USP6: variants seen among roughly 807,000 people sequenced by gnomAD.
USP6 encodes the protein ubiquitin carboxyl-terminal hydrolase 6.
In USP6, 128 loss-of-function variants were observed where a neutral mutation model predicts 175.7. The ratio of observed to expected loss-of-function variants is 0.73; its 90% confidence interval spans 0.63 to 0.84. The LOEUF is 0.84. Ranked by LOEUF, USP6 falls within the 40% of genes least tolerant of loss-of-function variation. The pLI, the probability that USP6 is intolerant of heterozygous loss-of-function variation, is 0.00. For synonymous variants in USP6, 562 were observed against 630.6 expected, an observed-to-expected ratio of 0.89 and a Z score of 1.63; for missense variants, 1,498 against 1,760.3, an observed-to-expected ratio of 0.85 and a Z score of 2.67.
intron 7 of USP6, among the ~76,000 whole-genome samples, chr17:5,127,903 A>G (rs1324352594): frequency 3.3e-5 from 5 of 152,240 alleles, no homozygotes; most frequent in African/African-American, 1.2e-4. Context: ...AGTAGAGACA[A>G]CCATCCGATT....
chr17:5,147,331 T>A, intron 29 of USP6, 137 bp downstream of exon 29: 1 of 1,052,994 alleles, frequency 9.5e-7, no homozygotes, highest in Non-Finnish European at 1.3e-6. Context: ...CCTTACTGAT[T>A]ATTCCATATT....
intron 31 of USP6, among the ~76,000 whole-genome samples, chr17:5,157,224 T>C (rs1037308925): frequency 6.6e-6 from 1 of 151,964 alleles, no homozygotes; most frequent in African/African-American, 2.4e-5. Flanking sequence ...TCGCTGGGAT[T>C]ACAGGTGCCT....
chr17:5,123,313 A>G (rs1328766413), intron 4 of USP6, among the ~76,000 whole-genome samples: 6 of 151,822 alleles, frequency 4.0e-5, no homozygotes, highest in Admixed American at 2.0e-4. Context: ...GGGGGGTGGT[A>G]GAGGCAGCGC....
intron 30 of USP6, among the ~76,000 whole-genome samples, chr17:5,152,627 G>A (rs2073798507): frequency 6.6e-6 from 1 of 152,170 alleles, no homozygotes; most frequent in African/African-American, 2.4e-5. Flanking sequence ...ATACAGGAAT[G>A]AAAATGAATG....
At chr17:5,126,339 G>A (rs1420909235) in intron 6 of USP6, among the ~76,000 whole-genome samples, 1 of 152,150 alleles carries the variant, frequency 6.6e-6, no homozygotes, top group Non-Finnish European at 1.5e-5. Flanking sequence ...CTTGAGCCCA[G>A]GAAGGCAATA....
Position 5,141,470 on chromosome 17 carries a change from C to T in USP6, c.1544C>T (p.Ala515Val), listed in dbSNP as rs760602163. 1.9e-6 allele frequency: 3 copies of T among 1,608,078 alleles called. No individual in the cohort carries two copies. The Admixed American group carries it at 5.1e-5, about 27-fold the overall frequency. ...MSWPEEMSFT[A>V]NSSKIDRQKV... ...TGGCCTGAGGAGATGTCTTTTACAGCAAATAGTAGTAAAATAGATAGACAA... is the reference window on the plus strand; with the variant it reads ...TGGCCTGAGGAGATGTCTTTTACAGTAAATAGTAGTAAAATAGATAGACAA... Residue 515 changes from alanine to valine, a missense_variant, in exon 23 of 38, where the codon GCA becomes GTA. Ala to Val is a moderately conservative substitution (Grantham distance 64). Coordinates refer to ENST00000574788, the MANE Select transcript of USP6 (RefSeq NM_001304284.2).
intron 37 of USP6, among the ~76,000 whole-genome samples, chr17:5,172,348 G>A (rs1207994481): frequency 6.6e-6 from 1 of 151,534 alleles, no homozygotes; most frequent in Non-Finnish European, 1.5e-5. Flanking sequence ...TGGCTAATAT[G>A]GTGAAACCCC....
Position 5,162,927 on chromosome 17 carries a change from T to G in USP6, c.2959T>G (p.Phe987Val). 1 of 1,608,494 alleles carries G rather than the reference T, an allele frequency of 6.2e-7. No homozygotes were observed. Among genetic ancestry groups the G allele is most frequent in the South Asian group, 1.1e-5 (1 of 89,184 alleles). ...AATTGATTGTGGGGAAGACAGAGCT[T>G]TCATTGGAAATGCCTATATTGCTGT... is the stretch of plus-strand genomic sequence containing the variant. Reference protein sequence around the residue: ...CKIDCGEDRAFIGNAYIAVDW... With the variant: ...CKIDCGEDRAVIGNAYIAVDW... The change falls in exon 33 of 38, where the codon TTC becomes GTC. Residue 987 changes from phenylalanine to valine, a missense_variant. Phe to Val is a conservative substitution (Grantham distance 50). Transcript: ENST00000574788.
chr17:5,148,905 A>C, intron 30 of USP6, 138 bp downstream of exon 30: 1 of 1,410,956 alleles, frequency 7.1e-7, no homozygotes, highest in South Asian at 1.7e-5. Context: ...TACTTTTACA[A>C]ATTTTATTTT....
chr17:5,119,957 C>T (rs2072615339), intron 2 of USP6, among the ~76,000 whole-genome samples: 1 of 152,166 alleles, frequency 6.6e-6, no homozygotes. Context: ...TCTCCTGCCT[C>T]TCCTTTCCAG....
At chr17:5,145,683 T>C in intron 27 of USP6, 104 bp downstream of exon 27, 1 of 1,398,862 alleles carries the variant, frequency 7.1e-7, no homozygotes, top group Non-Finnish European at 9.4e-7. Flanking sequence ...TAAAGACTGG[T>C]AGTCAGCATA....
chr17:5,168,676 A>G (rs2074147465), intron 34 of USP6, 91 bp from the exon 35 acceptor site: 3 of 1,445,884 alleles, frequency 2.1e-6, no homozygotes, highest in Non-Finnish European at 2.8e-6. Flanking sequence ...TATATTTCCA[A>G]ACATTCACAT....
Position 5,137,660 on chromosome 17 carries a change from G to A in USP6, c.835G>A (p.Gly279Arg), listed in dbSNP as rs779962766. 2.5e-6 allele frequency: 4 copies of A among 1,605,192 alleles called. No individual in the cohort carries two copies. In the South Asian group the frequency reaches 3.3e-5, roughly 13 times the overall value. ...CCTGCTGTCCCCACAGATCTCTCTC[G>A]GGCTCACCCTGCGCCTGTGGGACGT... ...LRNLIDGISL[G>R]LTLRLWDVYL... is the part of the protein sequence containing the mutation. Residue 279 changes from glycine (G) to arginine (R), a missense_variant, in exon 20 of 38, where the codon GGG becomes AGG. Around this residue, in one of 2 missense-constraint regions of USP6, gnomAD observed 1,217 missense variants for 1,500.8 expected, o/e 0.81. Coordinates refer to ENST00000574788, the MANE Select transcript of USP6 (RefSeq NM_001304284.2).
chr17:5,128,454 C>T (rs2072959051), intron 7 of USP6: 1 of 152,218 alleles, frequency 6.6e-6, no homozygotes. Context: ...GCAGCAGTCA[C>T]TTCCCTCCAC....
intron 1 of USP6, 48 bp from the exon 2 acceptor site, chr17:5,118,150 GCT>G (rs1467317723): frequency 1.3e-5 from 2 of 151,990 alleles, no homozygotes; most frequent in African/African-American, 4.8e-5. Context: ...ATAGTCATGT[GCT>G]CTCTCCCTCA....
intron 4 of USP6, among the ~76,000 whole-genome samples, chr17:5,123,877 G>A (rs974864793): frequency 4.0e-5 from 6 of 151,444 alleles, no homozygotes; most frequent in Non-Finnish European, 8.8e-5. Context: ...ACCCCCTAAT[G>A]CATGCTCGCG....
At chr17:5,126,311 G>T (rs866135278) in intron 6 of USP6, among the ~76,000 whole-genome samples, 1 of 152,158 alleles carries the variant, frequency 6.6e-6, no homozygotes, top group Admixed American at 6.5e-5. Context: ...CAAAAGAGGC[G>T]TCGGTTTTTT....
intron 21 of USP6, 163 bp from the exon 22 acceptor site, chr17:5,139,092 C>T (rs1293146095): frequency 6.3e-7 from 1 of 1,595,140 alleles, no homozygotes; most frequent in Non-Finnish European, 8.5e-7. Flanking sequence ...CAGCACACAC[C>T]CCTCCCTCTG....
intron 4 of USP6, among the ~76,000 whole-genome samples, chr17:5,124,087 C>T (rs1362172086): frequency 6.6e-6 from 1 of 152,168 alleles, no homozygotes; most frequent in Non-Finnish European, 1.5e-5. Flanking sequence ...GCTGCCTACC[C>T]ACGGGCAGGA....
Sources: allele counts gnomAD v4.1 joint callset (sites outside exome capture counted in the v4.1 genomes callset), GRCh38; gene constraint gnomAD v4.1.1; regional missense constraint gnomAD v4.1.1; transcripts MANE v1.5; gene names NCBI Gene and HGNC (gene_info 2026-07-23, HGNC 2026-07-21).